KLKB1: variants seen among roughly 807,000 people sequenced by gnomAD.
The protein encoded by KLKB1 is kallikrein B1, also known as plasma kallikrein.
KLKB1 carries 58 observed loss-of-function variants against 73.6 expected under a neutral mutation model. The observed-to-expected ratio is 0.79, with a 90% confidence interval of 0.64 to 0.98. The LOEUF is 0.98. Ranked by LOEUF, KLKB1 falls within the 50% of genes least tolerant of loss-of-function variation. The pLI is 0.00. For missense variants in KLKB1, 737 were observed against 763.8 expected (o/e 0.96, Z 0.41); for synonymous variants, 280 against 258.1 (o/e 1.08, Z -0.81).
At chr4:186,225,157 C>T (rs1737125955), upstream of KLKB1, among the ~76,000 whole-genome samples, 1 of 152,168 alleles carries the variant, frequency 6.6e-6, no homozygotes, top group African/African-American at 2.4e-5. Context: ...CAGGTAGTAT[C>T]TTTACAGCAG....
At chr4:186,226,869 A>T (rs1271334735), upstream of KLKB1, among the ~76,000 whole-genome samples, 1 of 152,106 alleles carries the variant, frequency 6.6e-6, no homozygotes, top group Non-Finnish European at 1.5e-5. Flanking sequence ...GAGGCTAGAT[A>T]GAGTCTTGGG....
chr4:186,253,369 A>C (rs1319309009), intron 11 of KLKB1, among the ~76,000 whole-genome samples: 2 of 152,324 alleles, frequency 1.3e-5, no homozygotes, highest in South Asian at 2.1e-4. Flanking sequence ...TCGGTGGTAC[A>C]TGTGGGTGGA....
rs756344885 is a variant in KLKB1 at position 186,252,197 on chromosome 4, A to T, written c.1313+12A>T. ...CACTGCTTTGATGGGTAAGTGTTGG[A>T]TGCATCTCATCCAGAGTCTTATCTT... On this transcript the variant is annotated intron_variant, in intron 11 of 14. Coordinates refer to ENST00000264690, the MANE Select transcript of KLKB1 (RefSeq NM_000892.5). The T allele has an allele frequency of 1.9e-5, 30 of 1,612,836 alleles. No homozygotes were observed. The highest frequency in any genetic ancestry group is 1.0e-4 in the Admixed American group (6 of 60,000).
chr4:186,258,195 A>G lies in KLKB1; in HGVS notation c.1900A>G (p.Met634Val). Residue 634 changes from methionine to valine, a missense_variant, in exon 15 of 15, where the codon ATG (methionine) becomes GTG (valine). Transcript: ENST00000264690. ...ACAGAGCAGTGATGGAAAAGCTCAGATGCAGTCACCAGCATGAGAAGCAGT... is the reference window on the plus strand; with the variant it reads ...ACAGAGCAGTGATGGAAAAGCTCAGGTGCAGTCACCAGCATGAGAAGCAGT... The part of the protein sequence containing the change: ...KTQSSDGKAQ[M>V]QSPA The G allele has an allele frequency of 4.3e-6, 7 of 1,614,090 alleles. No homozygotes were observed. The highest frequency in any genetic ancestry group is 5.9e-6 in the Non-Finnish European group (7 of 1,180,012).
rs558611271 is a variant in KLKB1, at chr4:186,228,121, A to G, written c.-1-74A>G. ...AATTCAGACATTTACAAGAAAATCTAAATCACCTTAAATTAAGATTTATGT... is the reference window on the plus strand; with the variant it reads ...AATTCAGACATTTACAAGAAAATCTGAATCACCTTAAATTAAGATTTATGT... On this transcript the variant is annotated intron_variant, in intron 1 of 14. Transcript: ENST00000264690. 4.6e-6 allele frequency: 4 copies of G among 873,012 alleles called. No individual in the cohort carries two copies. In the East Asian group the frequency reaches 7.5e-5, roughly 16 times the overall value. The allele number at this position is 873,012 out of a possible 1,614,324, so 54.1% of individuals were successfully genotyped here. A position where few individuals can be genotyped will look rare whatever the true frequency, so the allele number is the denominator to read the frequency against.
chr4:186,220,809 A>G (rs1276373139), intron 2 of KLKB1, among the ~76,000 whole-genome samples: 1 of 152,130 alleles, frequency 6.6e-6, no homozygotes, highest in East Asian at 1.9e-4. Flanking sequence ...TCTGCTATCA[A>G]AGTAATGCTG....
At chr4:186,248,155 G>A (rs1738477612) in intron 6 of KLKB1, among the ~76,000 whole-genome samples, 1 of 152,172 alleles carries the variant, frequency 6.6e-6, no homozygotes, top group African/African-American at 2.4e-5. Context: ...GGCTGAGGCA[G>A]GAGAATGGCC....
chr4:186,223,809 A>C (rs1413180637), upstream of KLKB1, among the ~76,000 whole-genome samples: 1 of 152,242 alleles, frequency 6.6e-6, no homozygotes, highest in East Asian at 1.9e-4. Context: ...CCGGCTGCAG[A>C]AATTTACATA....
chr4:186,250,985 C>T (rs1738638494), intron 7 of KLKB1: 2 of 516,070 alleles, frequency 3.9e-6, no homozygotes, highest in Non-Finnish European at 6.8e-6. Context: ...TCATCATTGT[C>T]CTCTTTTCAG....
At chr4:186,247,061 G>C (rs1388668970) in intron 6 of KLKB1, among the ~76,000 whole-genome samples, 1 of 152,174 alleles carries the variant, frequency 6.6e-6, no homozygotes, top group African/African-American at 2.4e-5. Flanking sequence ...AGTAAAAAGA[G>C]GCTGCTTACC....
chr4:186,230,089 G>A (rs545885927), intron 2 of KLKB1, among the ~76,000 whole-genome samples: 1 of 152,266 alleles, frequency 6.6e-6, no homozygotes, highest in Admixed American at 6.5e-5. Flanking sequence ...GATGCTATCA[G>A]TTGAGCACAA....
upstream of KLKB1, among the ~76,000 whole-genome samples, chr4:186,227,163 G>A (rs114502536): frequency 0.011 from 1,601 of 152,250 alleles, 27 homozygotes; most frequent in African/African-American, 0.037. Context: ...AGATGACACC[G>A]GTAATGTGAA....
chr4:186,227,136 G>A (rs1348058482), upstream of KLKB1, among the ~76,000 whole-genome samples: 1 of 152,178 alleles, frequency 6.6e-6, no homozygotes, highest in East Asian at 1.9e-4. Flanking sequence ...ATACTGTGCT[G>A]CCCAGGCTTG....
intron 6 of KLKB1, among the ~76,000 whole-genome samples, chr4:186,248,398 AT>A (rs1738495822): frequency 6.6e-6 from 1 of 152,118 alleles, no homozygotes; most frequent in African/African-American, 2.4e-5. Context: ...TCTTCGGGAC[AT>A]TTTACATAAA....
rs756831871 is a variant in KLKB1, at chr4:186,256,020, CA to C, written c.1521del (p.Gly508ValfsTer12). 1 of 1,612,604 alleles carries C rather than the reference CA, an allele frequency of 6.2e-7. No homozygotes were observed. Among genetic ancestry groups the C allele is most frequent in the Non-Finnish European group, 8.5e-7 (1 of 1,178,820 alleles). On this transcript the variant is annotated frameshift_variant, in exon 13 of 15. Coordinates refer to ENST00000264690, the MANE Select transcript of KLKB1 (RefSeq NM_000892.5). LOFTEE classifies it high-confidence loss of function. ...TCCAAAAACCAATATGCCTACCTTCCAAAGGTGACACAAGCACAATTTATAC... is the reference window on the plus strand; with the variant it reads ...TCCAAAAACCAATATGCCTACCTTCCAAGGTGACACAAGCACAATTTATAC... The part of the protein sequence containing the change: ...EFQKPICLPS[K>X]GDTSTIYTNC...
Position 186,238,287 on chromosome 4 carries a change from G to A in KLKB1, c.520G>A (p.Gly174Arg). The A allele has an allele frequency of 1.2e-6, 2 of 1,613,688 alleles. No homozygotes were observed. The highest frequency in any genetic ancestry group is 1.7e-6 in the Non-Finnish European group (2 of 1,179,640). ...NNCLLKYSPG[G>R]TPTAIKVLSN... ...TTGCCTATTAAAGTACAGTCCCGGA[G>A]GAACACCTACCGCTATAAAGGTGCT... Residue 174 changes from glycine (G) to arginine (R), a missense_variant, in exon 6 of 15, where the codon GGA (glycine) becomes AGA (arginine). Transcript: ENST00000264690.
chr4:186,245,945 A>G (rs1166834206), intron 6 of KLKB1, among the ~76,000 whole-genome samples: 4 of 151,606 alleles, frequency 2.6e-5, no homozygotes, highest in Non-Finnish European at 5.9e-5. Flanking sequence ...CAAACGGGCC[A>G]TGAACTGGGC....
At position 186,254,777 on chromosome 4, in the gene KLKB1, G is replaced by A; in HGVS notation, c.1489+14G>A. The A allele has an allele frequency of 6.2e-7, 1 of 1,605,814 alleles. No homozygotes were observed. Among genetic ancestry groups the A allele is most frequent in the Non-Finnish European group, 8.5e-7 (1 of 1,172,602 alleles). ...TGAATTACACTGGTATGTAGCATAT[G>A]TAAGAAGGTGGAGAGCAGAATTGCG... is the stretch of plus-strand genomic sequence containing the variant. On this transcript the variant is annotated intron_variant, in intron 12 of 14. Coordinates refer to ENST00000264690, the MANE Select transcript of KLKB1 (RefSeq NM_000892.5).
intron 6 of KLKB1, among the ~76,000 whole-genome samples, chr4:186,247,821 T>C (rs1561461493): frequency 6.6e-6 from 1 of 152,228 alleles, no homozygotes; most frequent in South Asian, 2.1e-4. Context: ...ATTTAAAATT[T>C]TTGATATCTA....
Sources: gnomAD v4.1 joint callset for allele counts (sites outside exome capture counted in the v4.1 genomes callset) on GRCh38, gnomAD v4.1.1 for gene constraint, MANE v1.5 for transcripts, NCBI Gene and HGNC (gene_info 2026-07-23, HGNC 2026-07-21) for gene names.